The following IGSF11 variants were observed in gnomAD, a reference collection of about 807,000 sequenced individuals.
IGSF11 encodes the protein immunoglobulin superfamily member 11.
Under a neutral mutation model 41.0 loss-of-function variants are expected in IGSF11, and 22 were observed. The observed-to-expected ratio is 0.54, with a 90% CI of 0.38 to 0.77. IGSF11 has a LOEUF of 0.77. Among genes scored for constraint, IGSF11 ranks in the 30% least tolerant of loss-of-function variants. The probability of loss-of-function intolerance (pLI) is 0.00; values close to 1 mark genes in which losing one functional copy is unlikely to be tolerated. For missense variants in IGSF11, 444 were observed against 530.8 expected, an observed-to-expected ratio of 0.84 and a Z score of 1.61; for synonymous variants, 219 against 201.3, an observed-to-expected ratio of 1.09 and a Z score of -0.74.
intron 1 of IGSF11, among the ~76,000 whole-genome samples, chr3:119,018,392 A>C (rs1158466297): frequency 6.6e-6 from 1 of 152,236 alleles, no homozygotes; most frequent in Non-Finnish European, 1.5e-5. Flanking sequence ...ACTCCTATAA[A>C]TGTTTCCCAA....
At chr3:119,139,455 A>G (rs4234651) in intron 1 of IGSF11, among the ~76,000 whole-genome samples, 143,022 of 152,268 alleles carry the variant, frequency 0.94, 67,237 homozygotes, top group East Asian at 1. Context: ...ATTGAATCAC[A>G]GGGGTGGATC....
At chr3:119,082,811 A>T (rs2076604925) in intron 1 of IGSF11, among the ~76,000 whole-genome samples, 1 of 152,242 alleles carries the variant, frequency 6.6e-6, no homozygotes, top group Non-Finnish European at 1.5e-5. Flanking sequence ...GAGGTATGAT[A>T]AACTTCCTCT....
At chr3:118,994,779 C>T (rs1936112155) in intron 1 of IGSF11, among the ~76,000 whole-genome samples, 2 of 152,162 alleles carry the variant, frequency 1.3e-5, no homozygotes, top group African/African-American at 4.8e-5. Context: ...CAGGAATAAG[C>T]ATGGCGGCAG....
At chr3:119,014,028 C>T (rs533607065) in intron 1 of IGSF11, among the ~76,000 whole-genome samples, 1 of 152,314 alleles carries the variant, frequency 6.6e-6, no homozygotes, top group African/African-American at 2.4e-5. Flanking sequence ...GATGAAATAA[C>T]AGAAACCCAG....
intron 1 of IGSF11, among the ~76,000 whole-genome samples, chr3:119,067,905 G>A (rs1303395298): frequency 2.0e-5 from 3 of 152,188 alleles, no homozygotes; most frequent in South Asian, 2.1e-4. Flanking sequence ...CTTTAAAAAC[G>A]TATTTGTAAT....
chr3:118,985,130 C>A (rs1358489485), intron 1 of IGSF11, among the ~76,000 whole-genome samples: 1 of 152,042 alleles, frequency 6.6e-6, no homozygotes, highest in African/African-American at 2.4e-5. Flanking sequence ...ATATGCTGAG[C>A]CACATTAAAA....
intron 1 of IGSF11, among the ~76,000 whole-genome samples, chr3:119,054,699 G>A (rs980933250): frequency 6.6e-6 from 1 of 152,154 alleles, no homozygotes; most frequent in Non-Finnish European, 1.5e-5. Flanking sequence ...CAGAGGAAAA[G>A]AAGTAATTAT....
intron 1 of IGSF11, among the ~76,000 whole-genome samples, chr3:119,090,911 A>G (rs1190619849): frequency 2.6e-5 from 4 of 152,216 alleles, no homozygotes; most frequent in Admixed American, 6.5e-5. Flanking sequence ...GAGCTTCTGC[A>G]CCAACAAAGT....
At chr3:119,045,209 T>C (rs566051310) in intron 1 of IGSF11, among the ~76,000 whole-genome samples, 2 of 152,268 alleles carry the variant, frequency 1.3e-5, no homozygotes, top group Non-Finnish European at 2.9e-5. Context: ...ATATGGGTGA[T>C]TTCTGCATTT....
chr3:119,041,132 G>C lies in IGSF11; in HGVS notation c.49+64012C>G, dbSNP rs888076346. ...AGGTCTAAAGGAAGTATTAATAGAA[G>C]AAAATAATATAGAGGCAAAATCAAT... is the stretch of plus-strand genomic sequence containing the variant. On this transcript the variant is annotated intron_variant, in intron 1 of 6. Transcript: ENST00000354673. 5.3e-5 allele frequency among the ~76,000 whole-genome samples: 8 copies of C among 152,048 alleles called. 1 individual carries two copies. The highest frequency in any genetic ancestry group is 3.9e-4 in the East Asian group (2 of 5,184).
At chr3:119,009,746 T>C (rs1028870525) in intron 1 of IGSF11, among the ~76,000 whole-genome samples, 3 of 152,208 alleles carry the variant, frequency 2.0e-5, no homozygotes, top group Non-Finnish European at 4.4e-5. Flanking sequence ...TTATTTTGAT[T>C]GTTAAGTAGT....
intron 1 of IGSF11, among the ~76,000 whole-genome samples, chr3:118,933,450 C>G (rs1481029350): frequency 7.6e-6 from 1 of 131,046 alleles, no homozygotes; most frequent in Admixed American, 7.6e-5. Flanking sequence ...TAAGCTCTCT[C>G]TACATATAAC....
At chr3:119,135,915 G>A (rs2077554877) in intron 1 of IGSF11, among the ~76,000 whole-genome samples, 1 of 152,148 alleles carries the variant, frequency 6.6e-6, no homozygotes, top group Non-Finnish European at 1.5e-5. Context: ...CCTTTGCAGG[G>A]AAATGGATGA....
Position 119,139,318 on chromosome 3 carries a change from G to C in IGSF11, c.-14+6495C>G, listed in dbSNP as rs1448438905. On this transcript the variant is annotated intron_variant, in intron 1 of 7. Coordinates refer to the IGSF11 transcript ENST00000425327. ...TGATGGTAATTCAAATCCATGTAAA[G>C]AATAAAGAGCAACAGTAAAGATAAG... Among the ~76,000 whole-genome samples the C allele has an allele frequency of 2.0e-5, 3 of 152,064 alleles. No homozygotes were observed. In the East Asian group the frequency reaches 5.8e-4, roughly 29 times the overall value.
chr3:119,115,030 C>T (rs2077236538), intron 1 of IGSF11, among the ~76,000 whole-genome samples: 1 of 152,144 alleles, frequency 6.6e-6, no homozygotes, highest in Non-Finnish European at 1.5e-5. Flanking sequence ...ATCTCAGTCA[C>T]TATCACAAGA....
intron 1 of IGSF11, among the ~76,000 whole-genome samples, chr3:119,032,006 T>C (rs1010667191): frequency 4.6e-5 from 7 of 152,246 alleles, no homozygotes; most frequent in Admixed American, 6.5e-5. Flanking sequence ...AGAAGAACTA[T>C]ATAGAAGTCA....
At chr3:118,992,963 C>T (rs537214473) in intron 1 of IGSF11, among the ~76,000 whole-genome samples, 14 of 152,160 alleles carry the variant, frequency 9.2e-5, no homozygotes, top group Non-Finnish European at 1.5e-4. Flanking sequence ...AGGTGCATCA[C>T]ATCTAGAATA....
intron 1 of IGSF11, among the ~76,000 whole-genome samples, chr3:119,123,658 CAGAG>C (rs151000923): frequency 1.4e-4 from 21 of 150,498 alleles, no homozygotes; most frequent in Non-Finnish European, 2.7e-4. Context: ...AAGCTCAGCA[CAGAG>C]AGAGAGAGAG....
chr3:118,990,826 G>A (rs371894816), intron 1 of IGSF11, among the ~76,000 whole-genome samples: 1 of 152,244 alleles, frequency 6.6e-6, no homozygotes, highest in South Asian at 2.1e-4. Context: ...TCAACCCAGA[G>A]AAATCCTGTG....
Sources: gnomAD v4.1 joint callset for allele counts (sites outside exome capture counted in the v4.1 genomes callset) on GRCh38, gnomAD v4.1.1 for gene constraint, MANE v1.5 for transcripts, NCBI Gene and HGNC (gene_info 2026-07-23, HGNC 2026-07-21) for gene names.